The following HOOK3 variants were observed in gnomAD, a reference collection of about 807,000 sequenced individuals.
HOOK3 encodes the protein hook microtubule tethering protein 3.
Under a neutral mutation model 116.3 loss-of-function variants are expected in HOOK3, and 24 were observed. The ratio of observed to expected loss-of-function variants is 0.21; its 90% CI spans 0.15 to 0.29. The LOEUF is 0.29. Among genes scored for constraint, HOOK3 ranks in the 10% least tolerant of loss-of-function variants. The probability of loss-of-function intolerance (pLI) is 1.00; values close to 1 mark genes in which losing one functional copy is unlikely to be tolerated. For missense variants in HOOK3, 632 were observed against 830.2 expected (o/e 0.76, Z 2.93); for synonymous variants, 275 against 283.0 (o/e 0.97, Z 0.28).
In HOOK3 at chr8:43,026,511, A is replaced by G. The variant is rs1809935662; in HGVS notation, c.*8013A>G. 1 of 211,186 alleles carries G rather than the reference A, an allele frequency of 4.7e-6. No homozygotes were observed. Among genetic ancestry groups the G allele is most frequent in the Non-Finnish European group, 9.6e-6 (1 of 104,324 alleles). The allele number at this position is 211,186 out of a possible 1,614,324, so 13.1% of individuals were successfully genotyped here. On this transcript the variant is annotated 3_prime_UTR_variant, in exon 22 of 22. Coordinates refer to ENST00000307602, the MANE Select transcript of HOOK3 (RefSeq NM_032410.4). The stretch of plus-strand genomic sequence containing the variant: ...ACTTTTTACATGTCTCCTTAAGAAG[A>G]CTCTTTTATAATGTAATACTTAGAA...
Position 43,002,112 on chromosome 8 carries a change from CCTT to C in HOOK3, c.1629_1631del (p.Leu544del), listed in dbSNP as rs1163773641. 1.1e-5 allele frequency: 17 copies of C among 1,581,942 alleles called. 2 individuals are homozygous for C. Among genetic ancestry groups the C allele is most frequent in the South Asian group, 3.3e-5 (3 of 89,894 alleles). ...ATTTTGTTTTTCATTTTTAGTCAGT[CCTT>C]CTAAAAAAGAAGCTTGAAGAACATC... On this transcript the variant is annotated inframe_deletion, in exon 17 of 22. Transcript: ENST00000307602.
intron 2 of HOOK3, among the ~76,000 whole-genome samples, chr8:42,915,720 C>G (rs772415341): frequency 3.3e-5 from 5 of 152,184 alleles, no homozygotes; most frequent in Non-Finnish European, 7.3e-5. Flanking sequence ...GCATGAGCCA[C>G]CATGCCTGGC....
At chr8:42,989,979 G>A (rs901836008) in intron 15 of HOOK3, among the ~76,000 whole-genome samples, 5 of 151,874 alleles carry the variant, frequency 3.3e-5, no homozygotes, top group Admixed American at 1.3e-4. Flanking sequence ...CACATTTTCT[G>A]TGCCTATTAA....
rs544935666 is a variant in HOOK3 at position 42,990,266 on chromosome 8, G to A, written c.1532+3471G>A. On this transcript the variant is annotated intron_variant, in intron 15 of 21. Transcript: ENST00000307602. ...CCACCTCAGCTTCCGAAAGTGCTGG[G>A]ATTATAGGCATGAACCACCATATCC... Among the ~76,000 whole-genome samples the A allele has an allele frequency of 4.8e-5, 7 of 145,068 alleles. No homozygotes were observed. In the East Asian group the frequency reaches 1.5e-3, roughly 31 times the overall value.
At chr8:42,913,229 T>C (rs1412292893) in intron 2 of HOOK3, among the ~76,000 whole-genome samples, 1 of 152,200 alleles carries the variant, frequency 6.6e-6, no homozygotes, top group Admixed American at 6.5e-5. Flanking sequence ...ATCAAGGCAA[T>C]GAATGCATCC....
At chr8:42,958,059 C>T (rs2130409389) in intron 7 of HOOK3, among the ~76,000 whole-genome samples, 1 of 152,212 alleles carries the variant, frequency 6.6e-6, no homozygotes, top group Middle Eastern at 3.4e-3. Flanking sequence ...GTCTCGATCT[C>T]CTGACCTTGT....
chr8:42,966,643 A>G (rs1368761159), intron 10 of HOOK3, 30 bp downstream of exon 10: 1 of 1,605,338 alleles, frequency 6.2e-7, no homozygotes, highest in East Asian at 2.2e-5. Flanking sequence ...CGCCCAGCAC[A>G]GTTTGGCTCT....
intron 1 of HOOK3, among the ~76,000 whole-genome samples, chr8:42,901,010 G>A (rs1344844069): frequency 6.6e-6 from 1 of 152,168 alleles, no homozygotes; most frequent in African/African-American, 2.4e-5. Flanking sequence ...TTGACATTTT[G>A]CGCTGGACAG....
At position 43,009,705 on chromosome 8, in the gene HOOK3, G is replaced by A. The variant is rs536907531; in HGVS notation, c.1739-600G>A. Reference sequence around the variant, plus strand: ...ACACACCCATTTTAAGCCATTTTTAGTGTATAGTCCAGTGACATTAAGGAC... The same window carrying A: ...ACACACCCATTTTAAGCCATTTTTAATGTATAGTCCAGTGACATTAAGGAC... On this transcript the variant is annotated intron_variant, in intron 18 of 21. Transcript: ENST00000307602. 4.6e-5 allele frequency among the ~76,000 whole-genome samples: 7 copies of A among 152,134 alleles called. No homozygotes were observed. The South Asian group carries it at 1.5e-3, about 32-fold the overall frequency.
At chr8:42,978,935 G>T (rs1269475333) in intron 13 of HOOK3, among the ~76,000 whole-genome samples, 1 of 152,086 alleles carries the variant, frequency 6.6e-6, no homozygotes, top group African/African-American at 2.4e-5. Context: ...ATTTAGTGTT[G>T]CACACTTAAC....
chr8:42,897,257 G>T, intron 1 of HOOK3, 69 bp downstream of exon 1: 1 of 1,089,808 alleles, frequency 9.2e-7, no homozygotes. Flanking sequence ...CTCCACGCGC[G>T]GCCCGTGGGG....
chr8:42,946,633 G>T (rs1245956285), intron 5 of HOOK3, among the ~76,000 whole-genome samples: 1 of 151,732 alleles, frequency 6.6e-6, no homozygotes, highest in Non-Finnish European at 1.5e-5. Context: ...TCCATGGTAA[G>T]TTTAATAATA....
chr8:43,003,924 T>C (rs977401950), intron 17 of HOOK3, among the ~76,000 whole-genome samples: 9 of 152,210 alleles, frequency 5.9e-5, no homozygotes, highest in African/African-American at 1.9e-4. Context: ...TCATCTTAGC[T>C]ACTTACACCT....
chr8:42,987,330 ACTT>A (rs1187443091), intron 15 of HOOK3, among the ~76,000 whole-genome samples: 27 of 152,138 alleles, frequency 1.8e-4, no homozygotes, highest in African/African-American at 6.5e-4. Flanking sequence ...TGTCCTCTTT[ACTT>A]CTTCATGCAA....
intron 21 of HOOK3, among the ~76,000 whole-genome samples, chr8:43,017,306 TC>T (rs951364789): frequency 6.6e-6 from 1 of 152,188 alleles, no homozygotes; most frequent in African/African-American, 2.4e-5. Flanking sequence ...CTCGCACTGT[TC>T]CCATGCTACA....
chr8:42,910,888 G>A (rs1222513892), intron 2 of HOOK3, among the ~76,000 whole-genome samples: 3 of 152,168 alleles, frequency 2.0e-5, no homozygotes, highest in African/African-American at 7.2e-5. Context: ...ACAATGTTAC[G>A]AAAGTTTACA....
At chr8:42,948,713 A>C (rs1027397965) in intron 5 of HOOK3, among the ~76,000 whole-genome samples, 7 of 152,184 alleles carry the variant, frequency 4.6e-5, no homozygotes, top group African/African-American at 1.7e-4. Flanking sequence ...ATACTTTTGA[A>C]CAGAACATCT....
intron 3 of HOOK3, among the ~76,000 whole-genome samples, chr8:42,927,864 AGGCCAGGCGTGGT>A (rs1439329636): frequency 6.6e-6 from 1 of 152,174 alleles, no homozygotes; most frequent in Non-Finnish European, 1.5e-5. Context: ...TCAACCTGGC[AGGCCAGGCGTGGT>A]GGCTTACGCC....
At chr8:42,916,088 C>G (rs1194068592) in intron 2 of HOOK3, among the ~76,000 whole-genome samples, 1 of 152,188 alleles carries the variant, frequency 6.6e-6, no homozygotes, top group Non-Finnish European at 1.5e-5. Flanking sequence ...GATCCTCTGC[C>G]TCTCCATCAG....
Sources: allele counts gnomAD v4.1 joint callset (sites outside exome capture counted in the v4.1 genomes callset), GRCh38; gene constraint gnomAD v4.1.1; transcripts MANE v1.5; gene names NCBI Gene and HGNC (gene_info 2026-07-23, HGNC 2026-07-21).